Variants in TNRC6A observed in about 807,000 individuals in gnomAD.
The protein encoded by TNRC6A is trinucleotide repeat containing adaptor 6A.
In TNRC6A, 44 loss-of-function variants were observed where a neutral mutation model predicts 221.2. The ratio of observed to expected loss-of-function variants is 0.20; its 90% CI spans 0.16 to 0.26. The LOEUF is 0.26. TNRC6A is among the 10% of genes least tolerant of loss of function. The pLI is 1.00. For synonymous variants in TNRC6A, 847 were observed against 838.5 expected (o/e 1.01, Z -0.18); for missense variants, 2,199 against 2,404.4 (o/e 0.91, Z 1.79).
intron 2 of TNRC6A, among the ~76,000 whole-genome samples, chr16:24,671,540 C>A (rs746212521): frequency 6.6e-6 from 1 of 152,204 alleles, no homozygotes; most frequent in African/African-American, 2.4e-5. Flanking sequence ...GGCACTATGC[C>A]CTGCAGTTCT....
At chr16:24,658,597 A>G (rs1262036691) in intron 2 of TNRC6A, among the ~76,000 whole-genome samples, 1 of 152,000 alleles carries the variant, frequency 6.6e-6, no homozygotes, top group Non-Finnish European at 1.5e-5. Context: ...CCTGACCTCA[A>G]GTGATCTACC....
chr16:24,804,833 C>G lies in TNRC6A; in HGVS notation c.3966C>G (p.Asn1322Lys). 6.2e-7 allele frequency: 1 copy of G among 1,612,832 alleles called. No individual in the cohort carries two copies. Among genetic ancestry groups the G allele is most frequent in the Non-Finnish European group, 8.5e-7 (1 of 1,179,740 alleles). Residue 1322 changes from asparagine (N) to lysine (K), a missense_variant, in exon 13 of 25, where the codon AAC (asparagine) becomes AAG (lysine). Transcript: ENST00000395799. ...CCATAGCAGGGCTGGGTATGCAAAACTTGAATTCTGTTAGACAGGTAAGTC... is the reference window on the plus strand; with the variant it reads ...CCATAGCAGGGCTGGGTATGCAAAAGTTGAATTCTGTTAGACAGGTAAGTC... ...LGSIAGLGMQ[N>K]LNSVRQNGNP...
In TNRC6A at chr16:24,823,772, G is replaced by A; in HGVS notation, c.5854G>A (p.Val1952Ile). 1 of 1,482,668 alleles carries A rather than the reference G, an allele frequency of 6.7e-7. No individual in the cohort carries two copies. Among genetic ancestry groups the A allele is most frequent in the Non-Finnish European group, 9.0e-7 (1 of 1,116,260 alleles). 91.8% of individuals were successfully genotyped at this position (1,482,668 alleles called of 1,614,324 possible). ...SPSPINAFLS[V>I]DHLGGGGESM The stretch of plus-strand genomic sequence containing the variant: ...ATCTCCCATTAACGCTTTTCTTTCT[G>A]TTGACCACCTGGGTGGGGGTGGAGA... The change falls in exon 25 of 25, where the codon GTT (valine) becomes ATT (isoleucine). Residue 1952 changes from valine (V) to isoleucine (I), a missense_variant. Around this residue, in one of 8 missense-constraint regions of TNRC6A, gnomAD observed 130 missense variants for 121.7 expected, o/e 1.07. Coordinates refer to ENST00000395799, the MANE Select transcript of TNRC6A (RefSeq NM_014494.4). This position sits in a 1 kb window ranked among gnomAD's most constrained non-coding sequence, Gnocchi z 4.3.
intron 18 of TNRC6A, among the ~76,000 whole-genome samples, chr16:24,812,506 A>G (rs1464875603): frequency 2.0e-5 from 3 of 152,230 alleles, no homozygotes; most frequent in Non-Finnish European, 4.4e-5. Context: ...TTCAGTAAAC[A>G]ATGGGCCATA....
At position 24,657,725 on chromosome 16, in the gene TNRC6A, T is replaced by A. The variant is rs1215269435; in HGVS notation, n.402+16716T>A. On this transcript the variant is annotated intron_variant and non_coding_transcript_variant, in intron 2 of 2. Coordinates refer to the TNRC6A transcript ENST00000566108. ...CTCCATCTCAAAAAAAAAAAAAAAA[T>A]GGAAATAAAAAATGGAGTTTAGCCA... 1.6e-4 allele frequency among the ~76,000 whole-genome samples: 22 copies of A among 138,662 alleles called. No homozygotes were observed. The East Asian group carries it at 1.8e-3, about 11-fold the overall frequency. The allele number at this position is 138,662 out of a possible 152,430, so 91.0% of individuals were successfully genotyped here.
In TNRC6A at chr16:24,621,189, T is replaced by A. The variant is rs149237301; in HGVS notation, n.276+10705T>A. Among the ~76,000 whole-genome samples the A allele has an allele frequency of 2.6e-3, 393 of 151,348 alleles. 11 individuals carry two copies. The East Asian group carries it at 0.03, about 12-fold the overall frequency. Reference sequence around the variant, plus strand: ...GTTTCTGTTTCTATAAAAATAATTTTAAAAAAAACATGTGCTTAAGCATTT... The same window carrying A: ...GTTTCTGTTTCTATAAAAATAATTTAAAAAAAAACATGTGCTTAAGCATTT... On this transcript the variant is annotated intron_variant and non_coding_transcript_variant, in intron 1 of 2. Coordinates refer to the TNRC6A transcript ENST00000566108.
chr16:24,781,930 C>G (rs1242673845), intron 5 of TNRC6A, among the ~76,000 whole-genome samples: 3 of 151,782 alleles, frequency 2.0e-5, no homozygotes, highest in Admixed American at 6.6e-5. Flanking sequence ...TCACACCATT[C>G]TCCTGCCTCA....
At chr16:24,668,189 G>C (rs568806379) in intron 2 of TNRC6A, among the ~76,000 whole-genome samples, 10 of 151,722 alleles carry the variant, frequency 6.6e-5, no homozygotes, top group South Asian at 2.1e-4. Context: ...TTAGCCAGGC[G>C]TGGTGGCGCA....
At position 24,729,859 on chromosome 16, in the gene TNRC6A, A is replaced by AG. The variant is rs1464087531; in HGVS notation, c.5+16dup. ...TTACACACATGAGGTGAGCGGAACA[A>AG]GGGCCTCCCTCCGGGCGGGAGGAGC... On this transcript the variant is annotated intron_variant, in intron 1 of 24. Coordinates refer to ENST00000395799, the MANE Select transcript of TNRC6A (RefSeq NM_014494.4). 12 of 1,293,236 alleles carry AG rather than the reference A, an allele frequency of 9.3e-6. No homozygotes were observed. Among genetic ancestry groups the AG allele is most frequent in the Non-Finnish European group, 1.2e-5 (12 of 1,010,352 alleles). 80.1% of individuals were successfully genotyped at this position (1,293,236 alleles called of 1,614,324 possible). A position where few individuals can be genotyped will look rare whatever the true frequency, so the allele number is the denominator to read the frequency against.
At chr16:24,626,189 A>G (rs1900980042) in intron 1 of TNRC6A, among the ~76,000 whole-genome samples, 2 of 151,976 alleles carry the variant, frequency 1.3e-5, no homozygotes, top group Non-Finnish European at 2.9e-5. Context: ...CCCAGGGGAC[A>G]CCAATATTTT....
chr16:24,783,668 G>A (rs990549720), intron 5 of TNRC6A, among the ~76,000 whole-genome samples: 1 of 152,122 alleles, frequency 6.6e-6, no homozygotes, highest in Non-Finnish European at 1.5e-5. Context: ...TTTGCCTACA[G>A]CATTGCAGCG....
chr16:24,751,930 G>A (rs933456256), intron 3 of TNRC6A, among the ~76,000 whole-genome samples: 14 of 152,160 alleles, frequency 9.2e-5, no homozygotes, highest in African/African-American at 3.4e-4. Context: ...GAATAGAAAA[G>A]GATTCCAAAC....
chr16:24,788,987 A>T (rs2058035248), intron 5 of TNRC6A, among the ~76,000 whole-genome samples: 1 of 152,176 alleles, frequency 6.6e-6, no homozygotes, highest in Non-Finnish European at 1.5e-5. Flanking sequence ...CAATGTATTC[A>T]TTCAGCAAGT....
Position 24,623,901 on chromosome 16 carries a change from CAAAAAAAAAAAAAAAAA to C in TNRC6A, n.276+13430_276+13446del, listed in dbSNP as rs67546745. On this transcript the variant is annotated intron_variant and non_coding_transcript_variant, in intron 1 of 2. Transcript: ENST00000566108. ...TGGGTAAAGGAGCAAGACCCTGTCT[CAAAAAAAAAAAAAAAAA>C]AAAAAAAAAAAAGAATTTCAAGAGG... Among the ~76,000 whole-genome samples, 400 of 55,238 alleles carry C rather than the reference CAAAAAAAAAAAAAAAAA, an allele frequency of 7.2e-3. 5 individuals carry two copies. The highest frequency in any genetic ancestry group is 0.028 in the African/African-American group (366 of 12,990). 36.2% of individuals were successfully genotyped at this position (55,238 alleles called of 152,430 possible).
intron 2 of TNRC6A, among the ~76,000 whole-genome samples, chr16:24,696,313 A>G (rs2142170515): frequency 6.7e-6 from 1 of 148,950 alleles, no homozygotes; most frequent in African/African-American, 2.5e-5. Context: ...GCGCCACTGC[A>G]CTCCAGCCTG....
intron 1 of TNRC6A, among the ~76,000 whole-genome samples, chr16:24,635,970 C>T (rs1901616879): frequency 6.6e-6 from 1 of 152,160 alleles, no homozygotes; most frequent in South Asian, 2.1e-4. Flanking sequence ...ATCATCCATT[C>T]CTTAATTCAT....
intron 18 of TNRC6A, among the ~76,000 whole-genome samples, chr16:24,812,140 C>T (rs946695507): frequency 7.0e-6 from 1 of 142,666 alleles, no homozygotes; most frequent in African/African-American, 2.6e-5. Flanking sequence ...ACCCTCGTCT[C>T]TGGGATTCAA....
intron 2 of TNRC6A, among the ~76,000 whole-genome samples, chr16:24,705,891 C>A (rs2056084612): frequency 6.6e-6 from 1 of 152,020 alleles, no homozygotes. Context: ...TTAAGAATTA[C>A]AAAGTGGAGA....
At chr16:24,745,678 G>C (rs1408801859) in intron 2 of TNRC6A, among the ~76,000 whole-genome samples, 1 of 151,640 alleles carries the variant, frequency 6.6e-6, no homozygotes, top group East Asian at 1.9e-4. Flanking sequence ...TTCTCCCTCT[G>C]TTGCCCAGGG....
Sources: allele counts gnomAD v4.1 joint callset (sites outside exome capture counted in the v4.1 genomes callset), GRCh38; gene constraint gnomAD v4.1.1; regional missense constraint gnomAD v4.1.1; non-coding constraint Gnocchi (gnomAD v3.1); transcripts MANE v1.5; gene names NCBI Gene and HGNC (gene_info 2026-07-23, HGNC 2026-07-21).